The following LRMDA variants were observed in gnomAD, a reference collection of about 807,000 sequenced individuals.
The protein encoded by LRMDA is leucine-rich melanocyte differentiation-associated protein.
A neutral mutation model predicts 29.8 loss-of-function variants in LRMDA; 18 were observed. The observed-to-expected ratio is 0.60, with a 90% CI of 0.42 to 0.90. The LOEUF (loss-of-function observed/expected upper bound fraction) is 0.90. Ranked by LOEUF, LRMDA falls within the 40% of genes least tolerant of loss-of-function variation. The pLI is 0.00. For missense variants in LRMDA, 273 were observed against 273.9 expected (o/e 1.00, Z 0.02); for synonymous variants, 125 against 109.4 (o/e 1.14, Z -0.89).
intron 2 of LRMDA, among the ~76,000 whole-genome samples, chr10:75,494,068 A>G (rs1413999993): frequency 1.3e-5 from 2 of 152,172 alleles, no homozygotes; most frequent in Non-Finnish European, 2.9e-5. Context: ...TTACTTGTTT[A>G]AAGCATCAAT....
At chr10:76,538,550 A>ACATATT (rs1564570330) in intron 6 of LRMDA, among the ~76,000 whole-genome samples, 10 of 144,454 alleles carry the variant, frequency 6.9e-5, no homozygotes, top group African/African-American at 2.7e-4. Context: ...ATATGTATAT[A>ACATATT]TATATACACA....
rs980641940 is a variant in LRMDA at position 76,235,062 on chromosome 10, C to T, written c.517-89339C>T. Among the ~76,000 whole-genome samples, 3 of 152,328 alleles carry T rather than the reference C, an allele frequency of 2.0e-5. No individual in the cohort carries two copies. In the South Asian group the frequency reaches 6.2e-4, roughly 32 times the overall value. On this transcript the variant is annotated intron_variant, in intron 5 of 6. Transcript: ENST00000611255. Reference sequence around the variant, plus strand: ...AAATGCCTTCCTCACTAAGCTTAATCATTTCTAGCTTTTGATTTAAGTGTG... The same window carrying T: ...AAATGCCTTCCTCACTAAGCTTAATTATTTCTAGCTTTTGATTTAAGTGTG...
At chr10:76,386,207 A>C (rs903730330) in intron 6 of LRMDA, among the ~76,000 whole-genome samples, 20 of 152,230 alleles carry the variant, frequency 1.3e-4, no homozygotes, top group Admixed American at 1.2e-3. Flanking sequence ...CACAAAGTCT[A>C]TATATTTTAT....
At chr10:76,047,391 T>A (rs1848458877) in intron 4 of LRMDA, 88 bp downstream of exon 4, 2 of 1,310,068 alleles carry the variant, frequency 1.5e-6, no homozygotes, top group East Asian at 5.2e-5. Context: ...GCATAGTAGA[T>A]GTTTGGTACA....
intron 5 of LRMDA, among the ~76,000 whole-genome samples, chr10:76,310,013 G>A (rs757703424): frequency 6.6e-6 from 1 of 152,158 alleles, no homozygotes; most frequent in Non-Finnish European, 1.5e-5. Context: ...AATCATGTAT[G>A]ACATGAAAAG....
chr10:76,304,020 C>T (rs1334622250), intron 5 of LRMDA, among the ~76,000 whole-genome samples: 1 of 152,126 alleles, frequency 6.6e-6, no homozygotes, highest in Admixed American at 6.5e-5. Flanking sequence ...ACGGCTTTCT[C>T]TAACCTTTCT....
intron 2 of LRMDA, among the ~76,000 whole-genome samples, chr10:75,905,462 T>C (rs1202504417): frequency 2.0e-5 from 3 of 152,014 alleles, no homozygotes; most frequent in African/African-American, 4.8e-5. Flanking sequence ...AAGATAAATA[T>C]TTAAAGTGAT....
intron 6 of LRMDA, among the ~76,000 whole-genome samples, chr10:76,461,746 G>A (rs1261008449): frequency 6.6e-6 from 1 of 152,084 alleles, no homozygotes; most frequent in African/African-American, 2.4e-5. Flanking sequence ...TACTCAAAGG[G>A]TGTTTTACAC....
intron 2 of LRMDA, among the ~76,000 whole-genome samples, chr10:75,702,921 G>C (rs1303009100): frequency 1.3e-5 from 2 of 152,126 alleles, no homozygotes. Context: ...CAGGACTACA[G>C]ATATCAGCCC....
intron 2 of LRMDA, among the ~76,000 whole-genome samples, chr10:75,633,960 C>T (rs1309316339): frequency 6.6e-6 from 1 of 152,176 alleles, no homozygotes; most frequent in Non-Finnish European, 1.5e-5. Flanking sequence ...TTTGGAAGCA[C>T]ACATTATAGT....
In LRMDA at chr10:76,308,561, C is replaced by T. The variant is rs528831398; in HGVS notation, c.517-15840C>T. Among the ~76,000 whole-genome samples the T allele has an allele frequency of 9.2e-5, 14 of 152,220 alleles. No individual in the cohort carries two copies. In the East Asian group the frequency reaches 2.7e-3, roughly 30 times the overall value. On this transcript the variant is annotated intron_variant, in intron 5 of 6. Coordinates refer to ENST00000611255, the MANE Select transcript of LRMDA (RefSeq NM_001305581.2). ...TTCCAGTAGAACCAGCCAATCTAAA[C>T]CCAGGTCCTTCTCTGTGAAGTCACC...
chr10:76,025,350 A>C (rs1418443037), intron 2 of LRMDA, among the ~76,000 whole-genome samples: 1 of 149,770 alleles, frequency 6.7e-6, no homozygotes, highest in African/African-American at 2.5e-5. Context: ...TAATACCTTC[A>C]GGACAAGCAT....
At chr10:76,014,322 C>T (rs1335286225) in intron 2 of LRMDA, among the ~76,000 whole-genome samples, 3 of 151,854 alleles carry the variant, frequency 2.0e-5, no homozygotes, top group Admixed American at 6.6e-5. Flanking sequence ...CCTGACCTTA[C>T]GGGGTTAAAC....
At chr10:76,302,954 C>T (rs1840500342) in intron 5 of LRMDA, among the ~76,000 whole-genome samples, 1 of 152,132 alleles carries the variant, frequency 6.6e-6, no homozygotes. Context: ...CCTGAAAATC[C>T]CCAATCTCCT....
chr10:75,591,947 G>A (rs1322022272), intron 2 of LRMDA, among the ~76,000 whole-genome samples: 1 of 152,018 alleles, frequency 6.6e-6, no homozygotes, highest in Non-Finnish European at 1.5e-5. Flanking sequence ...AAAGTCAAAA[G>A]AAGTGCAGTG....
intron 5 of LRMDA, among the ~76,000 whole-genome samples, chr10:76,285,073 TA>T (rs1436964103): frequency 6.6e-6 from 1 of 152,188 alleles, no homozygotes; most frequent in Non-Finnish European, 1.5e-5. Context: ...TTTGTAGCCA[TA>T]AGGGAAGTGA....
intron 2 of LRMDA, chr10:75,601,178 T>C (rs998799341): frequency 1.3e-5 from 2 of 152,240 alleles, no homozygotes; most frequent in African/African-American, 2.4e-5. Context: ...GCGTGTTTGC[T>C]AATTATAACT....
At chr10:76,305,264 C>A (rs11001724) in intron 5 of LRMDA, among the ~76,000 whole-genome samples, 15,966 of 51,422 alleles carry the variant, frequency 0.31, 1,012 homozygotes, top group Non-Finnish European at 0.49. Flanking sequence ...ATGTGTGGGC[C>A]CTTTCTTGGG....
intron 2 of LRMDA, among the ~76,000 whole-genome samples, chr10:75,705,888 C>T (rs902754273): frequency 3.9e-5 from 6 of 152,150 alleles, no homozygotes; most frequent in Admixed American, 6.5e-5. Flanking sequence ...TTTTAAAAAT[C>T]ATTTTTTAAA....
Sources: allele counts gnomAD v4.1 joint callset (sites outside exome capture counted in the v4.1 genomes callset), GRCh38; gene constraint gnomAD v4.1.1; transcripts MANE v1.5; gene names NCBI Gene and HGNC (gene_info 2026-07-23, HGNC 2026-07-21).